The following ITGB5 variants were observed in gnomAD, a reference collection of about 807,000 sequenced individuals.
The protein encoded by ITGB5 is integrin beta-5.
Under a neutral mutation model 84.8 loss-of-function variants are expected in ITGB5, and 38 were observed. The observed-to-expected ratio is 0.45, with a 90% CI of 0.35 to 0.59. ITGB5 has a LOEUF of 0.59. ITGB5 is among the 20% of genes least tolerant of loss of function. The pLI is 0.01. For synonymous variants in ITGB5, 393 were observed against 414.4 expected, an observed-to-expected ratio of 0.95 and a Z score of 0.63; for missense variants, 905 against 1,034.5, an observed-to-expected ratio of 0.87 and a Z score of 1.72.
Position 124,841,446 on chromosome 3 carries a change from C to T in ITGB5, c.717G>A (p.Val239=). ...SFNEEVRKQR[V]SRNRDAPEGG... ...CCTCAGGGGCATCTCGGTTCCGGGA[C>T]ACCCTCTGTTTCCGAACTTCCTCAT... The change falls in exon 5 of 15, where the codon GTG becomes GTA. Residue 239 remains valine, a synonymous_variant. Transcript: ENST00000296181. 8 of 1,614,224 alleles carry T rather than the reference C, an allele frequency of 5.0e-6. No homozygotes were observed. The highest frequency in any genetic ancestry group is 3.3e-5 in the South Asian group (3 of 91,090).
chr3:124,840,915 C>T (rs182920225), intron 5 of ITGB5, among the ~76,000 whole-genome samples: 46 of 152,288 alleles, frequency 3.0e-4, no homozygotes, highest in African/African-American at 6.3e-4. Context: ...CCACCTGCCT[C>T]GGCCTCCCAA....
At chr3:124,799,262 C>T (rs182935440) in intron 9 of ITGB5, among the ~76,000 whole-genome samples, 99 of 152,238 alleles carry the variant, frequency 6.5e-4, no homozygotes, top group African/African-American at 2.3e-3. Flanking sequence ...AAGGATAACA[C>T]GAATAGGATG....
At position 124,876,493 on chromosome 3, in the gene ITGB5, G is replaced by A. The variant is rs149843955; in HGVS notation, c.71-2962C>T. 1.9e-3 allele frequency among the ~76,000 whole-genome samples: 294 copies of A among 152,266 alleles called. 2 individuals carry two copies. The highest frequency in any genetic ancestry group is 2.9e-3 in the Non-Finnish European group (196 of 68,022). On this transcript the variant is annotated intron_variant, in intron 1 of 14. Transcript: ENST00000296181. ...ACGGCAAAACTGCTGACTGGCAGAG[G>A]GGTGGGTGCAGGAGGTGGTGGTAGG...
In ITGB5 at chr3:124,848,301, T is replaced by C. The variant is rs557223618; in HGVS notation, c.611+8A>G. ...AAGTACCCAACAGAAGGGCAACTGG[T>C]CACTTACCCAATGCACGGATTGGTC... On this transcript the variant is annotated splice_region_variant and intron_variant, in intron 4 of 14. Coordinates refer to ENST00000296181, the MANE Select transcript of ITGB5 (RefSeq NM_002213.5). 1.2e-6 allele frequency: 2 copies of C among 1,612,946 alleles called. No individual in the cohort carries two copies. The highest frequency in any genetic ancestry group is 4.5e-5 in the East Asian group (2 of 44,864).
At chr3:124,861,523 CACACAG>C (rs1450453471) in intron 2 of ITGB5, among the ~76,000 whole-genome samples, 17 of 146,410 alleles carry the variant, frequency 1.2e-4, no homozygotes, top group Non-Finnish European at 1.8e-4. Flanking sequence ...CACACACACA[CACACAG>C]AGAGATACAC....
intron 10 of ITGB5, among the ~76,000 whole-genome samples, chr3:124,785,022 G>A (rs1490355981): frequency 1.3e-5 from 2 of 152,192 alleles, no homozygotes; most frequent in African/African-American, 4.8e-5. Flanking sequence ...CCTGGCTGCC[G>A]GGACCCCAGT....
chr3:124,765,938 A>C (rs1431348364), intron 13 of ITGB5, among the ~76,000 whole-genome samples: 1 of 151,904 alleles, frequency 6.6e-6, no homozygotes, highest in East Asian at 1.9e-4. Flanking sequence ...GCATGCCTGT[A>C]GTGCCAGCTG....
Position 124,859,392 on chromosome 3 carries a change from C to T in ITGB5, c.211G>A (p.Val71Ile), listed in dbSNP as rs2107618002. The change falls in exon 3 of 15, where the codon GTC becomes ATC. Residue 71 changes from valine to isoleucine, a missense_variant. Physicochemically the swap from Val to Ile is conservative, Grantham distance 29. Around this residue, in one of 3 missense-constraint regions of ITGB5, gnomAD observed 656 missense variants for 734.7 expected, o/e 0.89. Coordinates refer to ENST00000296181, the MANE Select transcript of ITGB5 (RefSeq NM_002213.5). ...ATCTCACCTCCACAGCCATTTTTGA[C>T]AAGGTTTGCCCTCAGATCACACCGA... ...TSRCDLRANLVKNGCGGEIES... is the reference protein window; with the variant it reads ...TSRCDLRANLIKNGCGGEIES... 1.2e-6 allele frequency: 2 copies of T among 1,614,112 alleles called. No homozygotes were observed. The highest frequency in any genetic ancestry group is 1.6e-4 in the Middle Eastern group (1 of 6,062).
chr3:124,839,916 T>A (rs2064988713), intron 5 of ITGB5, among the ~76,000 whole-genome samples: 2 of 152,186 alleles, frequency 1.3e-5, no homozygotes, highest in South Asian at 4.1e-4. Flanking sequence ...ACTGCTACCT[T>A]CTTCTCCAGG....
chr3:124,892,357 A>G (rs1373346626), upstream of ITGB5, among the ~76,000 whole-genome samples: 1 of 151,454 alleles, frequency 6.6e-6, no homozygotes, highest in Non-Finnish European at 1.5e-5. Context: ...AACATGGTGA[A>G]TGTACTTAAT....
At chr3:124,796,309 TA>T in intron 10 of ITGB5, 78 bp downstream of exon 10, 1 of 1,323,010 alleles carries the variant, frequency 7.6e-7, no homozygotes, top group Non-Finnish European at 1.1e-6. Context: ...CACCACTGAG[TA>T]AAAGGCAGGC....
rs780354406 is a variant in ITGB5, at chr3:124,764,369, T to C, written c.2304+22A>G. ...CCTCTGAGCTTGAAGTCTCCTCTGC[T>C]TCCCATTTCCCACGTGCTTACCATT... On this transcript the variant is annotated intron_variant, in intron 14 of 14. Transcript: ENST00000296181. The C allele has an allele frequency of 2.8e-5, 44 of 1,591,054 alleles. 2 individuals carry two copies. The South Asian group carries it at 4.8e-4, about 17-fold the overall frequency.
chr3:124,806,424 ATTTTTTTTT>A (rs71145488), intron 9 of ITGB5, among the ~76,000 whole-genome samples: 1 of 72,774 alleles, frequency 1.4e-5, no homozygotes, highest in Non-Finnish European at 2.6e-5. Flanking sequence ...GCCTCATTCC[ATTTTTTTTT>A]TTTTTTTTTT....
At chr3:124,795,259 T>C (rs992940657) in intron 10 of ITGB5, among the ~76,000 whole-genome samples, 5 of 139,678 alleles carry the variant, frequency 3.6e-5, no homozygotes, top group Admixed American at 2.9e-4. Flanking sequence ...TGGGAGGCTG[T>C]GGATGGATCA....
intron 10 of ITGB5, among the ~76,000 whole-genome samples, chr3:124,786,566 G>A (rs2064084832): frequency 6.6e-6 from 1 of 152,112 alleles, no homozygotes; most frequent in South Asian, 2.1e-4. Flanking sequence ...CTATGGGGTG[G>A]AGTGACAGCA....
chr3:124,852,978 G>C lies in ITGB5; in HGVS notation c.362-4420C>G, dbSNP rs114016098. Among the ~76,000 whole-genome samples the C allele has an allele frequency of 9.1e-3, 1,391 of 152,216 alleles. 29 individuals carry two copies. Among genetic ancestry groups the C allele is most frequent in the African/African-American group, 0.031 (1,294 of 41,528 alleles). ...CTGGGATTATAGGTGTGAGCCACATGCCCAGCCTCAAAAACTTTTTTTAAT... is the reference window on the plus strand; with the variant it reads ...CTGGGATTATAGGTGTGAGCCACATCCCCAGCCTCAAAAACTTTTTTTAAT... On this transcript the variant is annotated intron_variant, in intron 3 of 14. Transcript: ENST00000296181.
chr3:124,778,428 G>A (rs1295954016), intron 10 of ITGB5, among the ~76,000 whole-genome samples: 2 of 152,246 alleles, frequency 1.3e-5, no homozygotes, highest in Admixed American at 1.3e-4. Flanking sequence ...GGAAGGGGCA[G>A]GCTGGGAGGC....
At chr3:124,881,785 T>C (rs917557785) in intron 1 of ITGB5, among the ~76,000 whole-genome samples, 1 of 151,580 alleles carries the variant, frequency 6.6e-6, no homozygotes, top group African/African-American at 2.4e-5. Flanking sequence ...CTGGCCAACA[T>C]GGTGAAACCC....
chr3:124,837,651 T>TC (rs149641950), intron 5 of ITGB5, among the ~76,000 whole-genome samples: 8,614 of 152,224 alleles, frequency 0.057, 332 homozygotes, highest in African/African-American at 0.099. Flanking sequence ...AGAACATCTT[T>TC]CAAGAGCAGG....
Sources: gnomAD v4.1 joint callset for allele counts (sites outside exome capture counted in the v4.1 genomes callset) on GRCh38, gnomAD v4.1.1 for gene constraint, gnomAD v4.1.1 regional missense constraint, MANE v1.5 for transcripts, NCBI Gene and HGNC (gene_info 2026-07-23, HGNC 2026-07-21) for gene names.